Variants in INPP4A observed in about 807,000 individuals in gnomAD.
The protein encoded by INPP4A is inositol polyphosphate-4-phosphatase, type I, 107kD.
INPP4A carries 33 observed loss-of-function variants against 119.8 expected under a neutral mutation model. The observed-to-expected ratio is 0.28, with a 90% CI of 0.21 to 0.37. The LOEUF (loss-of-function observed/expected upper bound fraction) is 0.37, where lower values mean the gene tolerates loss of function less well. Ranked by LOEUF, INPP4A falls within the 10% of genes least tolerant of loss-of-function variation. The probability of loss-of-function intolerance (pLI) is 1.00; values close to 1 mark genes in which losing one functional copy is unlikely to be tolerated. For missense variants in INPP4A, 956 were observed against 1,289.9 expected, an observed-to-expected ratio of 0.74 and a Z score of 3.97; for synonymous variants, 496 against 500.7, an observed-to-expected ratio of 0.99 and a Z score of 0.12.
intron 4 of INPP4A, among the ~76,000 whole-genome samples, chr2:98,529,933 G>A (rs1688896188): frequency 6.6e-6 from 1 of 152,148 alleles, no homozygotes; most frequent in South Asian, 2.1e-4. Context: ...AAGAGAGATT[G>A]TTAATGAAGA....
chr2:98,488,346 T>G (rs981360226), intron 1 of INPP4A, among the ~76,000 whole-genome samples: 1 of 152,184 alleles, frequency 6.6e-6, no homozygotes, highest in African/African-American at 2.4e-5. Context: ...TTATGTGTAC[T>G]CAGCTGAGCA....
At chr2:98,468,590 A>G (rs1403004376) in intron 1 of INPP4A, among the ~76,000 whole-genome samples, 3 of 152,128 alleles carry the variant, frequency 2.0e-5, no homozygotes, top group Admixed American at 2.0e-4. Context: ...AAAGGAAGGA[A>G]GGGGAATGAA....
chr2:98,477,232 C>T (rs999953236), intron 1 of INPP4A, among the ~76,000 whole-genome samples: 4 of 152,184 alleles, frequency 2.6e-5, no homozygotes, highest in South Asian at 2.1e-4. Context: ...GGTTGGAGCC[C>T]GGATGGTCTG....
chr2:98,455,675 T>G (rs1696016198), intron 1 of INPP4A, among the ~76,000 whole-genome samples: 1 of 152,208 alleles, frequency 6.6e-6, no homozygotes, highest in African/African-American at 2.4e-5. Flanking sequence ...GTGTGGTATG[T>G]TCTTGATTTA....
At chr2:98,494,279 G>T (rs1681461697) in intron 1 of INPP4A, among the ~76,000 whole-genome samples, 1 of 152,198 alleles carries the variant, frequency 6.6e-6, no homozygotes. Context: ...GGAGAATGTG[G>T]CTAGCCCCTA....
chr2:98,553,069 G>A (rs796668288), intron 14 of INPP4A, 100 bp downstream of exon 14: 10 of 914,236 alleles, frequency 1.1e-5, no homozygotes, highest in African/African-American at 3.3e-5. Flanking sequence ...CACAAAGAGC[G>A]TGACATTGGG....
At chr2:98,576,345 C>CATTCAGT (rs1698411317) in intron 23 of INPP4A, among the ~76,000 whole-genome samples, 1 of 152,212 alleles carries the variant, frequency 6.6e-6, no homozygotes, top group Non-Finnish European at 1.5e-5. Flanking sequence ...GCCCCCTACT[C>CATTCAGT]TGTGAGCCAT....
At chr2:98,450,202 G>C (rs112640677) in intron 1 of INPP4A, among the ~76,000 whole-genome samples, 1,572 of 152,208 alleles carry the variant, frequency 0.01, 42 homozygotes, top group African/African-American at 0.036. Context: ...CTGTCCAAAG[G>C]TGAGCTGTGG....
At position 98,528,919 on chromosome 2, in the gene INPP4A, A is replaced by G. The variant is rs1401635211; in HGVS notation, c.152-4458A>G. On this transcript the variant is annotated intron_variant, in intron 4 of 24. Coordinates refer to ENST00000409851, the MANE Select transcript of INPP4A (RefSeq NM_001134225.2). ...AGTGAAACCCATCTCTACTAAAAAT[A>G]CAAAAAAAATTAGCTGGGCGTGGTG... Among the ~76,000 whole-genome samples the G allele has an allele frequency of 3.3e-5, 5 of 152,020 alleles. No homozygotes were observed. The East Asian group carries it at 9.7e-4, about 29-fold the overall frequency.
At chr2:98,446,155 G>A (rs1047967285) in intron 1 of INPP4A, among the ~76,000 whole-genome samples, 3 of 152,252 alleles carry the variant, frequency 2.0e-5, no homozygotes, top group African/African-American at 7.2e-5. Context: ...TAAAAGGTGA[G>A]AGCAGAGCCT....
intron 4 of INPP4A, among the ~76,000 whole-genome samples, chr2:98,530,143 C>T (rs890096296): frequency 2.7e-5 from 4 of 150,872 alleles, no homozygotes; most frequent in Non-Finnish European, 4.4e-5. Flanking sequence ...GAAAGAAAAT[C>T]TTTTTCTAGA....
At position 98,566,403 on chromosome 2, in the gene INPP4A, T is replaced by C. The variant is rs1345119062; in HGVS notation, c.2420+234T>C. ...TCAGCTGGTGGGAGAGAGAGAGACA[T>C]GGATGCAATGATGAAGACAGATACA... On this transcript the variant is annotated intron_variant, in intron 21 of 24. Coordinates refer to ENST00000409851, the MANE Select transcript of INPP4A (RefSeq NM_001134225.2). The surrounding 1 kb of genome is among the most constrained non-coding windows in gnomAD (Gnocchi z 4.2). Among the ~76,000 whole-genome samples, 6 of 151,720 alleles carry C rather than the reference T, an allele frequency of 4.0e-5. No individual in the cohort carries two copies. The highest frequency in any genetic ancestry group is 1.5e-4 in the African/African-American group (6 of 41,242).
intron 13 of INPP4A, among the ~76,000 whole-genome samples, chr2:98,548,671 A>G (rs1417335392): frequency 7.9e-5 from 12 of 152,222 alleles, no homozygotes; most frequent in Non-Finnish European, 2.9e-5. Flanking sequence ...AATGCCATCA[A>G]GCCACTTATA....
intron 4 of INPP4A, among the ~76,000 whole-genome samples, chr2:98,522,729 A>G (rs1466325111): frequency 6.6e-6 from 1 of 152,090 alleles, no homozygotes; most frequent in Non-Finnish European, 1.5e-5. Context: ...GAAATTTCGG[A>G]TCACAGGGAA....
At chr2:98,520,860 T>G in intron 4 of INPP4A, 129 bp downstream of exon 4, 1 of 594,044 alleles carries the variant, frequency 1.7e-6, no homozygotes, top group Non-Finnish European at 2.9e-6. Flanking sequence ...CTGCAGCGTT[T>G]CTGAGAAGAC....
intron 21 of INPP4A, among the ~76,000 whole-genome samples, chr2:98,567,663 C>G (rs973492325): frequency 3.9e-5 from 6 of 152,282 alleles, no homozygotes; most frequent in African/African-American, 9.6e-5. Flanking sequence ...AGAGGACTTG[C>G]AAAGGGCAGG....
At chr2:98,480,258 C>T (rs893740584) in intron 1 of INPP4A, among the ~76,000 whole-genome samples, 5 of 152,174 alleles carry the variant, frequency 3.3e-5, no homozygotes, top group African/African-American at 1.2e-4. Flanking sequence ...GGAACTCAGC[C>T]CTGAGAGGTT....
chr2:98,581,780 GT>G, intron 24 of INPP4A: 1 of 1,599,570 alleles, frequency 6.3e-7, no homozygotes, highest in East Asian at 2.3e-5. Context: ...AAATTAATAA[GT>G]CACAAGAAAA....
At chr2:98,463,904 CCT>C (rs1218176471) in intron 1 of INPP4A, among the ~76,000 whole-genome samples, 1 of 152,114 alleles carries the variant, frequency 6.6e-6, no homozygotes, top group African/African-American at 2.4e-5. Context: ...CGTGCACAGC[CCT>C]TGTCTCCTGC....
Sources: gnomAD v4.1 joint callset for allele counts (sites outside exome capture counted in the v4.1 genomes callset) on GRCh38, gnomAD v4.1.1 for gene constraint, Gnocchi (gnomAD v3.1) non-coding constraint, MANE v1.5 for transcripts, NCBI Gene and HGNC (gene_info 2026-07-23, HGNC 2026-07-21) for gene names.